TNRC18: variants seen among roughly 807,000 people sequenced by gnomAD.
The protein encoded by TNRC18 is trinucleotide repeat containing 18, also known as trinucleotide repeat-containing gene 18 protein.
TNRC18 carries 69 observed loss-of-function variants against 226.7 expected under a neutral mutation model. That is an observed-to-expected ratio of 0.30 (90% CI 0.25 to 0.37). The LOEUF is 0.37. Ranked by LOEUF, TNRC18 falls within the 10% of genes least tolerant of loss-of-function variation. TNRC18 has a pLI of 1.00. For synonymous variants in TNRC18, 2,449 were observed against 1,927.6 expected (o/e 1.27, Z -7.09); for missense variants, 4,754 against 4,256.6 (o/e 1.12, Z -3.25).
At chr7:5,316,269 T>G (rs1787830676) in intron 24 of TNRC18, among the ~76,000 whole-genome samples, 197 bp from the exon 25 acceptor site, 2 of 114,182 alleles carry the variant, frequency 1.8e-5, no homozygotes, top group Admixed American at 1.1e-4. Flanking sequence ...GCAGGAGAAA[T>G]GGGTCTTTTT....
chr7:5,364,513 A>G (rs576807516), intron 11 of TNRC18, among the ~76,000 whole-genome samples: 81 of 139,720 alleles, frequency 5.8e-4, no homozygotes, highest in African/African-American at 2.1e-3. Flanking sequence ...ACACACACAC[A>G]CGATCTCAGG....
chr7:5,389,369 G>A, intron 4 of TNRC18, 33 bp from the exon 5 acceptor site: 1 of 1,241,378 alleles, frequency 8.1e-7, no homozygotes, highest in Non-Finnish European at 1.0e-6. Context: ...CAGTGAGCGA[G>A]CGCCACCTCC....
In TNRC18 at chr7:5,307,322, T is replaced by C. The variant is rs1359505866; in HGVS notation, c.*784A>G. Reference sequence around the variant, plus strand: ...AAAGTTGACTCCATTTAAAGGCTTATGATACAGGGGCGGGGCGAGTCTCTT... The same window carrying C: ...AAAGTTGACTCCATTTAAAGGCTTACGATACAGGGGCGGGGCGAGTCTCTT... On this transcript the variant is annotated 3_prime_UTR_variant, in exon 30 of 30. Transcript: ENST00000430969. 6.5e-5 allele frequency: 10 copies of C among 155,016 alleles called. No individual in the cohort carries two copies. In the Admixed American group the frequency reaches 6.6e-4, roughly 10 times the overall value. The allele number at this position is 155,016 out of a possible 1,614,324, so 9.6% of individuals were successfully genotyped here.
chr7:5,350,449 G>T (rs956674270), intron 17 of TNRC18, among the ~76,000 whole-genome samples: 1 of 145,488 alleles, frequency 6.9e-6, no homozygotes, highest in African/African-American at 2.5e-5. Flanking sequence ...GGGGGCGGGG[G>T]CAGCATTCAG....
At chr7:5,420,549 C>A (rs1336168543) in intron 2 of TNRC18, 2 of 445,470 alleles carry the variant, frequency 4.5e-6, no homozygotes, top group East Asian at 1.4e-4. Flanking sequence ...CCCGCATCCC[C>A]CGGCGTACTC....
chr7:5,357,570 G>T (rs1460671242), intron 15 of TNRC18, among the ~76,000 whole-genome samples: 1 of 152,092 alleles, frequency 6.6e-6, no homozygotes, highest in Non-Finnish European at 1.5e-5. Context: ...CTGCAGCCTC[G>T]ACCTCTGGGC....
intron 11 of TNRC18, among the ~76,000 whole-genome samples, chr7:5,368,643 T>C (rs1583941777): frequency 7.2e-6 from 1 of 137,980 alleles, no homozygotes; most frequent in East Asian, 2.1e-4. Flanking sequence ...CCAGCCTGGG[T>C]GACAGAGTGA....
At chr7:5,319,800 A>T (rs1788171795) in intron 24 of TNRC18, among the ~76,000 whole-genome samples, 1 of 152,098 alleles carries the variant, frequency 6.6e-6, no homozygotes, top group South Asian at 2.1e-4. Flanking sequence ...ATGAGCCACC[A>T]CATCCAGCCT....
intron 13 of TNRC18, 50 bp downstream of exon 13, chr7:5,361,847 C>A: frequency 6.6e-7 from 1 of 1,511,284 alleles, no homozygotes; most frequent in Non-Finnish European, 8.8e-7. Flanking sequence ...GCCTGGGGGC[C>A]TGGTGGGCCG....
chr7:5,359,611 A>C lies in TNRC18; in HGVS notation c.4662-42T>G, dbSNP rs778707058. 7.5e-6 allele frequency: 12 copies of C among 1,610,340 alleles called. 2 individuals are homozygous for C. The South Asian group carries it at 1.3e-4, about 18-fold the overall frequency. ...CTGCCGGTCAGCACCCTGGCCAGAC[A>C]AGGCTCGCAGGCTGAGGTCCACCCT... On this transcript the variant is annotated intron_variant, in intron 14 of 29. Transcript: ENST00000430969.
At chr7:5,408,097 C>T (rs1272586325) in intron 2 of TNRC18, among the ~76,000 whole-genome samples, 7 of 152,016 alleles carry the variant, frequency 4.6e-5, no homozygotes, top group African/African-American at 7.2e-5. Context: ...GTTAGGAGAT[C>T]GAGACCATCC....
chr7:5,329,074 G>T (rs915597491), intron 19 of TNRC18, among the ~76,000 whole-genome samples: 2 of 152,120 alleles, frequency 1.3e-5, no homozygotes, highest in Non-Finnish European at 2.9e-5. Flanking sequence ...AGGCTGAGGT[G>T]GGCCGATCAC....
At position 5,377,554 on chromosome 7, in the gene TNRC18, G is replaced by C. The variant is rs562901562; in HGVS notation, c.2278C>G (p.Leu760Val). The C allele has an allele frequency of 2.5e-6, 4 of 1,585,934 alleles. No individual in the cohort carries two copies. The South Asian group carries it at 4.6e-5, about 18-fold the overall frequency. ...CAGCTGGTAGGGTGCAGGCGGGCCA[G>C]GTCAGCCAGCTCCTTACTCTCTCTG... is the stretch of plus-strand genomic sequence containing the variant. ...LLRESKELADLARLHPTSCAP... is the reference protein window; with the variant it reads ...LLRESKELADVARLHPTSCAP... The change falls in exon 7 of 30, where the codon CTG becomes GTG. Residue 760 changes from leucine to valine, a missense_variant. Physicochemically the swap from Leu to Val is conservative, Grantham distance 32. Transcript: ENST00000430969. The surrounding 1 kb of genome is among the most constrained non-coding windows in gnomAD (Gnocchi z 5.8).
intron 15 of TNRC18, among the ~76,000 whole-genome samples, 174 bp from the exon 16 acceptor site, chr7:5,357,450 C>T (rs1026826646): frequency 1.3e-5 from 2 of 152,034 alleles, no homozygotes; most frequent in South Asian, 2.1e-4. Flanking sequence ...CTCGCTCTGT[C>T]GCCCAGCCTG....
At chr7:5,342,354 G>C (rs546814408) in intron 18 of TNRC18, among the ~76,000 whole-genome samples, 5 of 152,112 alleles carry the variant, frequency 3.3e-5, no homozygotes, top group South Asian at 4.2e-4. Flanking sequence ...GCTTGAACTG[G>C]GGAGGCGGAG....
Position 5,374,036 on chromosome 7 carries a change from G to T in TNRC18, c.3229+19C>A. Reference sequence around the variant, plus strand: ...TCCAGGGGCAGAGTGAGACCCTGAGGGTCTCAGCTGCATCCTACCTGAGAA... The same window carrying T: ...TCCAGGGGCAGAGTGAGACCCTGAGTGTCTCAGCTGCATCCTACCTGAGAA... On this transcript the variant is annotated intron_variant, in intron 10 of 29. Transcript: ENST00000430969. 1 of 1,525,578 alleles carries T rather than the reference G, an allele frequency of 6.6e-7. No individual in the cohort carries two copies. The highest frequency in any genetic ancestry group is 8.7e-7 in the Non-Finnish European group (1 of 1,143,332). 94.5% of individuals were successfully genotyped at this position (1,525,578 alleles called of 1,614,324 possible).
At position 5,324,067 on chromosome 7, in the gene TNRC18, G is replaced by C; in HGVS notation, c.6442+147C>G. On this transcript the variant is annotated intron_variant, in intron 21 of 29. Coordinates refer to ENST00000430969, the MANE Select transcript of TNRC18 (RefSeq NM_001080495.3). The surrounding 1 kb of genome is among the most constrained non-coding windows in gnomAD (Gnocchi z 4.8). The stretch of plus-strand genomic sequence containing the variant: ...GCCAGTCCAGCCTTCTCATCGACCC[G>C]GATAACTCAGCCTCAGGATCTCTGC... 1 of 913,580 alleles carries C rather than the reference G, an allele frequency of 1.1e-6. No homozygotes were observed. The highest frequency in any genetic ancestry group is 1.7e-5 in the South Asian group (1 of 58,278). 56.6% of individuals were successfully genotyped at this position (913,580 alleles called of 1,614,324 possible). A position where few individuals can be genotyped will look rare whatever the true frequency, so the allele number is the denominator to read the frequency against.
chr7:5,307,792 G>A lies in TNRC18; in HGVS notation c.*314C>T. ...GCCCCCACGCAGCAGCAGCCTGGAG[G>A]GCCGGCCTGGCCAAGTGCTTGCAAC... On this transcript the variant is annotated 3_prime_UTR_variant, in exon 30 of 30. Transcript: ENST00000430969. 1 of 426,106 alleles carries A rather than the reference G, an allele frequency of 2.3e-6. No homozygotes were observed. The highest frequency in any genetic ancestry group is 4.4e-6 in the Non-Finnish European group (1 of 226,776). The allele number at this position is 426,106 out of a possible 1,614,324, so 26.4% of individuals were successfully genotyped here.
rs150956165 is a variant in TNRC18, at chr7:5,399,855, C to T, written c.188-5260G>A. Reference sequence around the variant, plus strand: ...GCCTGGCCAACATGGCGAAAACCACCCCCCGCCCCCGCCCCGTCTCTACTA... The same window carrying T: ...GCCTGGCCAACATGGCGAAAACCACTCCCCGCCCCCGCCCCGTCTCTACTA... On this transcript the variant is annotated intron_variant, in intron 2 of 29. Coordinates refer to ENST00000430969, the MANE Select transcript of TNRC18 (RefSeq NM_001080495.3). 7.9e-5 allele frequency among the ~76,000 whole-genome samples: 12 copies of T among 151,066 alleles called. No homozygotes were observed. The East Asian group carries it at 2.2e-3, about 27-fold the overall frequency.
Sources: gnomAD v4.1 joint callset for allele counts (sites outside exome capture counted in the v4.1 genomes callset) on GRCh38, gnomAD v4.1.1 for gene constraint, Gnocchi (gnomAD v3.1) non-coding constraint, MANE v1.5 for transcripts, NCBI Gene and HGNC (gene_info 2026-07-23, HGNC 2026-07-21) for gene names.